Variants in FRMD6 observed in about 807,000 individuals in gnomAD.
FRMD6 encodes the protein FERM domain-containing protein 6.
Under a neutral mutation model 73.2 loss-of-function variants are expected in FRMD6, and 37 were observed. That is an observed-to-expected ratio of 0.51 (90% confidence interval 0.39 to 0.66). FRMD6 has a LOEUF of 0.66. Ranked by LOEUF, FRMD6 falls within the 30% of genes least tolerant of loss-of-function variation. FRMD6 has a pLI of 0.00. For missense variants in FRMD6, 714 were observed against 780.5 expected, an observed-to-expected ratio of 0.91 and a Z score of 1.02; for synonymous variants, 273 against 282.2, an observed-to-expected ratio of 0.97 and a Z score of 0.33.
chr14:51,519,103 A>G (rs768586002), intron 1 of FRMD6, among the ~76,000 whole-genome samples: 4 of 152,136 alleles, frequency 2.6e-5, no homozygotes, highest in Middle Eastern at 3.4e-3. Context: ...TAGTTCTTGC[A>G]TTTCTAACAC....
the FRMD6 span, among the ~76,000 whole-genome samples, chr14:51,462,469 C>G: frequency 6.6e-6 from 1 of 152,108 alleles, no homozygotes; most frequent in South Asian, 2.1e-4. Context: ...TAGGCAGGCC[C>G]TTGCTGAGTT....
intron 2 of FRMD6, among the ~76,000 whole-genome samples, chr14:51,594,118 G>A (rs149995065): frequency 6.6e-6 from 1 of 152,026 alleles, no homozygotes; most frequent in Non-Finnish European, 1.5e-5. Context: ...CAAGAAATGA[G>A]TACATGTTTT....
At chr14:51,605,766 C>A (rs377690076) in intron 2 of FRMD6, among the ~76,000 whole-genome samples, 3 of 152,148 alleles carry the variant, frequency 2.0e-5, no homozygotes, top group African/African-American at 7.2e-5. Flanking sequence ...GTGGGCTATA[C>A]ATTTTGAGAC....
chr14:51,484,941 G>A (rs1882734360), upstream of FRMD6, among the ~76,000 whole-genome samples: 1 of 152,232 alleles, frequency 6.6e-6, no homozygotes, highest in African/African-American at 2.4e-5. Context: ...GGCTGCACTA[G>A]TAGCTTCTTG....
the FRMD6 span, among the ~76,000 whole-genome samples, chr14:51,405,022 C>T: frequency 2.6e-5 from 4 of 152,072 alleles, no homozygotes; most frequent in African/African-American, 7.2e-5. Context: ...TGAGAACATG[C>T]GGTATTCGGT....
At chr14:51,468,874 T>A in the FRMD6 span, among the ~76,000 whole-genome samples, 1 of 152,218 alleles carries the variant, frequency 6.6e-6, no homozygotes, top group South Asian at 2.1e-4. Context: ...ATTGAAACAG[T>A]CATATGGGTT....
intron 1 of FRMD6, among the ~76,000 whole-genome samples, chr14:51,687,161 C>T (rs1324468556): frequency 6.6e-6 from 1 of 152,066 alleles, no homozygotes; most frequent in Non-Finnish European, 1.5e-5. Context: ...TTTAATGAAG[C>T]TCTGGAAACA....
the FRMD6 span, among the ~76,000 whole-genome samples, chr14:51,414,210 A>C: frequency 0.044 from 6,683 of 152,234 alleles, 195 homozygotes; most frequent in Non-Finnish European, 0.061. Flanking sequence ...TTGGTGTTTT[A>C]GACATGAAGT....
rs535400181 is a variant in FRMD6 at position 51,582,071 on chromosome 14, G to A, written c.-147+11661G>A. 3.9e-5 allele frequency among the ~76,000 whole-genome samples: 6 copies of A among 152,296 alleles called. No individual in the cohort carries two copies. In the South Asian group the frequency reaches 8.3e-4, roughly 21 times the overall value. Reference sequence around the variant, plus strand: ...TGTCTTATTTATTTCTCTAGCCCAAGCTTCTAGCATAGGGCTCAATAAGTA... The same window carrying A: ...TGTCTTATTTATTTCTCTAGCCCAAACTTCTAGCATAGGGCTCAATAAGTA... On this transcript the variant is annotated intron_variant, in intron 2 of 14. Transcript: ENST00000356218.
chr14:51,400,528 CAACTT>C, the FRMD6 span, among the ~76,000 whole-genome samples: 1 of 152,200 alleles, frequency 6.6e-6, no homozygotes, highest in Non-Finnish European at 1.5e-5. Context: ...TTTGGCAACT[CAACTT>C]TATCCAGTCT....
At chr14:51,450,285 G>A in the FRMD6 span, among the ~76,000 whole-genome samples, 1 of 152,276 alleles carries the variant, frequency 6.6e-6, no homozygotes, top group South Asian at 2.1e-4. Flanking sequence ...AATTCTTTGA[G>A]TTTCAAAAAT....
At chr14:51,405,626 G>A in the FRMD6 span, among the ~76,000 whole-genome samples, 1 of 151,758 alleles carries the variant, frequency 6.6e-6, no homozygotes, top group Non-Finnish European at 1.5e-5. Flanking sequence ...TTTGAAATGT[G>A]TCAGTTCACG....
chr14:51,727,365 C>G (rs1211446980), intron 13 of FRMD6, among the ~76,000 whole-genome samples: 1 of 150,854 alleles, frequency 6.6e-6, no homozygotes, highest in Non-Finnish European at 1.5e-5. Flanking sequence ...AAGATAATTA[C>G]TTGATTTCTG....
At position 51,728,546 on chromosome 14, in the gene FRMD6, A is replaced by C. The variant is rs754276534; in HGVS notation, c.*517A>C. ...TCCCTGAGGCTGTCCCAAAGTGAACACTGATGGAGTGGTCAAAATCATAAG... is the reference window on the plus strand; with the variant it reads ...TCCCTGAGGCTGTCCCAAAGTGAACCCTGATGGAGTGGTCAAAATCATAAG... On this transcript the variant is annotated 3_prime_UTR_variant, in exon 14 of 14. Coordinates refer to ENST00000344768, the MANE Select transcript of FRMD6 (RefSeq NM_001267046.2). 2 of 159,134 alleles carry C rather than the reference A, an allele frequency of 1.3e-5. No individual in the cohort carries two copies. Among genetic ancestry groups the C allele is most frequent in the African/African-American group, 4.8e-5 (2 of 41,470 alleles). 9.9% of individuals were successfully genotyped at this position (159,134 alleles called of 1,614,324 possible).
chr14:51,474,711 A>G, the FRMD6 span, among the ~76,000 whole-genome samples: 1 of 152,196 alleles, frequency 6.6e-6, no homozygotes, highest in African/African-American at 2.4e-5. Context: ...TGAGAGACAG[A>G]TTCAAAAGCT....
At chr14:51,488,287 C>T (rs1468303565), upstream of FRMD6, among the ~76,000 whole-genome samples, 4 of 152,122 alleles carry the variant, frequency 2.6e-5, no homozygotes, top group Non-Finnish European at 5.9e-5. Flanking sequence ...ACAACATCCA[C>T]GACAGCTGAG....
intron 5 of FRMD6, among the ~76,000 whole-genome samples, chr14:51,703,229 C>T (rs935086323): frequency 2.0e-5 from 3 of 151,996 alleles, no homozygotes; most frequent in African/African-American, 7.2e-5. Flanking sequence ...CAGAATTCAC[C>T]ATTTCAGAAG....
intron 1 of FRMD6, among the ~76,000 whole-genome samples, chr14:51,527,250 GT>G (rs1165936304): frequency 1.3e-5 from 2 of 152,380 alleles, no homozygotes; most frequent in African/African-American, 4.8e-5. Flanking sequence ...TCACAGCAGA[GT>G]TTTTTATGTT....
chr14:51,685,264 A>G (rs977248120), intron 1 of FRMD6, among the ~76,000 whole-genome samples: 3 of 152,168 alleles, frequency 2.0e-5, no homozygotes, highest in Non-Finnish European at 4.4e-5. Flanking sequence ...CTCTTTCTTC[A>G]TTTAGATGTT....
Sources: gnomAD v4.1 joint callset for allele counts (sites outside exome capture counted in the v4.1 genomes callset) on GRCh38, gnomAD v4.1.1 for gene constraint, MANE v1.5 for transcripts, NCBI Gene and HGNC (gene_info 2026-07-23, HGNC 2026-07-21) for gene names.